The following TFCP2L1 variants were observed in gnomAD, a reference collection of about 807,000 sequenced individuals.
TFCP2L1 encodes the protein transcription factor CP2-like protein 1.
A neutral mutation model predicts 72.2 loss-of-function variants in TFCP2L1; 12 were observed. The observed-to-expected ratio is 0.17, with a 90% CI of 0.11 to 0.27. The LOEUF (loss-of-function observed/expected upper bound fraction) is 0.27, where lower values mean the gene tolerates loss of function less well. TFCP2L1 is among the 10% of genes least tolerant of loss of function. The pLI, the probability that TFCP2L1 is intolerant of heterozygous loss-of-function variation, is 1.00. For synonymous variants in TFCP2L1, 260 were observed against 251.0 expected, an observed-to-expected ratio of 1.04 and a Z score of -0.34; for missense variants, 488 against 624.6, an observed-to-expected ratio of 0.78 and a Z score of 2.33.
intron 2 of TFCP2L1, among the ~76,000 whole-genome samples, chr2:121,251,244 A>C (rs1686605478): frequency 6.6e-6 from 1 of 151,660 alleles, no homozygotes; most frequent in African/African-American, 2.4e-5. Context: ...CGAGAGAGTG[A>C]GACTTGGTCT....
intron 6 of TFCP2L1, among the ~76,000 whole-genome samples, chr2:121,243,314 C>T (rs896075101): frequency 3.3e-5 from 5 of 152,224 alleles, no homozygotes; most frequent in Admixed American, 6.5e-5. Flanking sequence ...TCAAGCTCAA[C>T]GGCACCTTGA....
intron 7 of TFCP2L1, chr2:121,240,254 C>T (rs1014153578): frequency 1.0e-6 from 1 of 985,224 alleles, no homozygotes; most frequent in Non-Finnish European, 1.2e-6. Context: ...AAGATGTGAT[C>T]CTTGCCCTCG....
At position 121,246,833 on chromosome 2, in the gene TFCP2L1, C is replaced by T; in HGVS notation, c.642G>A (p.Gln214=). 6.2e-7 allele frequency: 1 copy of T among 1,614,196 alleles called. No individual in the cohort carries two copies. Among genetic ancestry groups the T allele is most frequent in the Non-Finnish European group, 8.5e-7 (1 of 1,180,024 alleles). ...GCCATCCTACCTTGAACACCTTGATCTGGCAGCTGGCTGAGTGCAGGTGCT... is the reference window on the plus strand; with the variant it reads ...GCCATCCTACCTTGAACACCTTGATTTGGCAGCTGGCTGAGTGCAGGTGCT... ...YTEHLHSASC[Q]IKVFKPKGAD... The change falls in exon 6 of 15, where the codon CAG becomes CAA. Residue 214 remains glutamine (Q), a synonymous_variant. Transcript: ENST00000263707.
chr2:121,230,209 T>C (rs1391546952), intron 13 of TFCP2L1, among the ~76,000 whole-genome samples: 1 of 152,168 alleles, frequency 6.6e-6, no homozygotes, highest in Non-Finnish European at 1.5e-5. Context: ...TTCGCTTTTG[T>C]TGCCCAGGCT....
intron 1 of TFCP2L1, 42 bp downstream of exon 1, chr2:121,285,006 C>T (rs993289122): frequency 4.9e-5 from 70 of 1,438,680 alleles, no homozygotes; most frequent in Non-Finnish European, 6.2e-5. Flanking sequence ...CCCGGCCCGC[C>T]GGCCCGGCCC....
At chr2:121,234,065 T>TC (rs1405411297) in intron 12 of TFCP2L1, 26 bp downstream of exon 12, 1 of 1,602,058 alleles carries the variant, frequency 6.2e-7, no homozygotes, top group East Asian at 2.2e-5. Flanking sequence ...AATGTGTGGG[T>TC]CCCAGCTCTG....
At position 121,218,974 on chromosome 2, in the gene TFCP2L1, G is replaced by C. The variant is rs975994715; in HGVS notation, c.*5367C>G. 6.6e-6 allele frequency: 1 copy of C among 152,358 alleles called. No individual in the cohort carries two copies. The highest frequency in any genetic ancestry group is 6.5e-5 in the Admixed American group (1 of 15,286). 9.4% of individuals were successfully genotyped at this position (152,358 alleles called of 1,614,324 possible). ...CTGGCCCTCAAGCCCTGTCCCTAAG[G>C]GGCGATGGGAAGGAGGTGGCAATCA... On this transcript the variant is annotated 3_prime_UTR_variant, in exon 15 of 15. Coordinates refer to ENST00000263707, the MANE Select transcript of TFCP2L1 (RefSeq NM_014553.3).
At chr2:121,236,650 T>C (rs1686254155) in intron 10 of TFCP2L1, among the ~76,000 whole-genome samples, 1 of 152,136 alleles carries the variant, frequency 6.6e-6, no homozygotes, top group Non-Finnish European at 1.5e-5. Flanking sequence ...GTCCTTCCAC[T>C]GTTCTTCCAG....
chr2:121,241,508 A>C (rs1043933648), intron 7 of TFCP2L1, among the ~76,000 whole-genome samples: 1 of 148,570 alleles, frequency 6.7e-6, no homozygotes, highest in Non-Finnish European at 1.5e-5. Flanking sequence ...AAAAACAAAC[A>C]AAAAAAAAAG....
chr2:121,268,456 C>T (rs1038114861), intron 2 of TFCP2L1, among the ~76,000 whole-genome samples: 1 of 152,056 alleles, frequency 6.6e-6, no homozygotes, highest in Non-Finnish European at 1.5e-5. Context: ...TGGGCTCAAG[C>T]GATCCTCCTG....
intron 14 of TFCP2L1, 76 bp downstream of exon 14, chr2:121,225,486 A>AAGGGCCCATCCTGCAGGC (rs1686010010): frequency 1.4e-6 from 2 of 1,395,148 alleles, no homozygotes; most frequent in Non-Finnish European, 2.0e-6. Context: ...CACTCTCTGG[A>AAGGGCCCATCCTGCAGGC]AGGGCCCATC....
chr2:121,230,646 G>A (rs975636747), intron 13 of TFCP2L1, among the ~76,000 whole-genome samples: 15 of 151,810 alleles, frequency 9.9e-5, no homozygotes, highest in Non-Finnish European at 1.9e-4. Context: ...GGTGGTGAGT[G>A]CCTGTAGTTC....
At chr2:121,242,209 C>T (rs1573369025) in intron 7 of TFCP2L1, 150 bp downstream of exon 7, 7 of 630,248 alleles carry the variant, frequency 1.1e-5, no homozygotes, top group South Asian at 6.3e-5. Context: ...CAGATGAACA[C>T]GAGCTCCAGA....
At chr2:121,279,014 G>C (rs894261541) in intron 2 of TFCP2L1, among the ~76,000 whole-genome samples, 5 of 151,644 alleles carry the variant, frequency 3.3e-5, no homozygotes, top group African/African-American at 1.2e-4. Context: ...AAAAAAAAAA[G>C]GAGTTGGAAG....
chr2:121,231,189 C>T (rs974339324), intron 13 of TFCP2L1, among the ~76,000 whole-genome samples: 6 of 152,204 alleles, frequency 3.9e-5, no homozygotes, highest in African/African-American at 1.4e-4. Context: ...GTACACACTC[C>T]TGTTATTAGG....
At chr2:121,231,184 C>T (rs1046964824) in intron 13 of TFCP2L1, among the ~76,000 whole-genome samples, 3 of 152,248 alleles carry the variant, frequency 2.0e-5, no homozygotes, top group African/African-American at 7.2e-5. Flanking sequence ...AACAAGTACA[C>T]ACTCCTGTTA....
intron 6 of TFCP2L1, among the ~76,000 whole-genome samples, chr2:121,244,784 G>T (rs750488491): frequency 6.6e-6 from 1 of 152,158 alleles, no homozygotes; most frequent in Non-Finnish European, 1.5e-5. Flanking sequence ...GCCTGACGGG[G>T]GCCAAGGCTG....
intron 2 of TFCP2L1, among the ~76,000 whole-genome samples, chr2:121,278,208 T>C (rs1438917797): frequency 1.4e-5 from 2 of 147,644 alleles, no homozygotes; most frequent in Non-Finnish European, 3.0e-5. Context: ...GGCTAATTTT[T>C]TGTATTTTTA....
chr2:121,266,882 ATTATTTATTTATTTAT>A (rs199919633), intron 2 of TFCP2L1, among the ~76,000 whole-genome samples: 5,395 of 145,854 alleles, frequency 0.037, 242 homozygotes, highest in African/African-American at 0.11. Context: ...TATTTTTTTC[ATTATTTATTTATTTAT>A]TTATTTATTT....
Sources: gnomAD v4.1 joint callset for allele counts (sites outside exome capture counted in the v4.1 genomes callset) on GRCh38, gnomAD v4.1.1 for gene constraint, MANE v1.5 for transcripts, NCBI Gene and HGNC (gene_info 2026-07-23, HGNC 2026-07-21) for gene names.